The following FHIT variants were observed in gnomAD, a reference collection of about 807,000 sequenced individuals.
FHIT encodes the protein bis(5'-adenosyl)-triphosphatase.
Under a neutral mutation model 17.9 loss-of-function variants are expected in FHIT, and 19 were observed. That is an observed-to-expected ratio of 1.06 (90% CI 0.74 to 1.56). FHIT has a LOEUF of 1.56. FHIT is among the 40% of genes most tolerant of loss of function. The pLI is 0.00. For synonymous variants in FHIT, 81 were observed against 69.7 expected, an observed-to-expected ratio of 1.16 and a Z score of -0.81; for missense variants, 248 against 189.2, an observed-to-expected ratio of 1.31 and a Z score of -1.82.
intron 5 of FHIT, among the ~76,000 whole-genome samples, chr3:60,214,007 C>G (rs557537599): frequency 1.1e-4 from 16 of 152,206 alleles, no homozygotes; most frequent in African/African-American, 3.9e-4. Flanking sequence ...GTGTGTGGAA[C>G]ATAGGTGTCA....
At chr3:60,363,493 C>T (rs1056038260) in intron 5 of FHIT, among the ~76,000 whole-genome samples, 1 of 152,086 alleles carries the variant, frequency 6.6e-6, no homozygotes, top group Non-Finnish European at 1.5e-5. Flanking sequence ...CTCATTTATT[C>T]CCACAACTCT....
intron 5 of FHIT, among the ~76,000 whole-genome samples, chr3:60,509,996 C>A (rs745886947): frequency 6.6e-6 from 1 of 152,172 alleles, no homozygotes; most frequent in Non-Finnish European, 1.5e-5. Flanking sequence ...CAGCCTACAG[C>A]TTGGTGAGGT....
intron 4 of FHIT, among the ~76,000 whole-genome samples, chr3:60,792,317 AAAAT>A (rs1553728756): frequency 1.3e-5 from 2 of 152,064 alleles, no homozygotes; most frequent in African/African-American, 4.8e-5. Flanking sequence ...GGTGGGTGTA[AAAAT>A]AAATATCCAT....
At chr3:60,027,694 G>A (rs1248409830) in intron 5 of FHIT, among the ~76,000 whole-genome samples, 1 of 146,532 alleles carries the variant, frequency 6.8e-6, no homozygotes, top group African/African-American at 2.5e-5. Context: ...TCTTAACTCA[G>A]AATCTCTTCT....
intron 5 of FHIT, among the ~76,000 whole-genome samples, chr3:60,118,771 C>T (rs1377196785): frequency 0.011 from 17 of 1,528 alleles, no homozygotes; most frequent in African/African-American, 0.042. Context: ...GAGGTGGGGG[C>T]GGCGGGGGGG....
At chr3:60,114,348 A>G (rs1243516818) in intron 5 of FHIT, among the ~76,000 whole-genome samples, 2 of 151,512 alleles carry the variant, frequency 1.3e-5, no homozygotes, top group African/African-American at 4.8e-5. Context: ...AAGCAATAGC[A>G]TCATGTTTTC....
rs9848914 is a variant in FHIT at position 60,926,831 on chromosome 3, G to A, written c.-110-104820C>T. On this transcript the variant is annotated intron_variant, in intron 3 of 9. Transcript: ENST00000492590. ...AGCAAGACTAATAAAGAAGAAGAGA[G>A]AGAAGAATCAAATAGACGCAATAAA... Among the ~76,000 whole-genome samples, 503 of 152,210 alleles carry A rather than the reference G, an allele frequency of 3.3e-3. 5 individuals are homozygous for A. The highest frequency in any genetic ancestry group is 0.024 in the Middle Eastern group (7 of 294).
intron 5 of FHIT, among the ~76,000 whole-genome samples, chr3:60,082,105 T>C (rs1336865758): frequency 6.6e-6 from 1 of 151,432 alleles, no homozygotes; most frequent in Admixed American, 6.6e-5. Context: ...TAGCTCTTTT[T>C]CAATCCTTGA....
At chr3:60,248,179 C>G (rs1337914384) in intron 5 of FHIT, among the ~76,000 whole-genome samples, 1 of 152,090 alleles carries the variant, frequency 6.6e-6, no homozygotes, top group African/African-American at 2.4e-5. Context: ...AGTTCTTCCC[C>G]CTAAGAGTTC....
intron 4 of FHIT, among the ~76,000 whole-genome samples, chr3:60,627,071 G>A (rs1013777665): frequency 2.0e-5 from 3 of 151,920 alleles, no homozygotes; most frequent in Non-Finnish European, 4.4e-5. Flanking sequence ...AAAATATGTT[G>A]CTGGATCCAG....
chr3:60,620,749 T>G (rs2039100800), intron 4 of FHIT, among the ~76,000 whole-genome samples: 1 of 152,076 alleles, frequency 6.6e-6, no homozygotes, highest in African/African-American at 2.4e-5. Flanking sequence ...TCAACAGCTG[T>G]CAAAACCCAT....
intron 2 of FHIT, among the ~76,000 whole-genome samples, chr3:61,119,831 C>A (rs2036404841): frequency 6.6e-6 from 1 of 152,188 alleles, no homozygotes; most frequent in Admixed American, 6.5e-5. Flanking sequence ...TTCAGGCTTT[C>A]AGACTTTAAC....
intron 4 of FHIT, among the ~76,000 whole-genome samples, chr3:60,754,383 GT>G (rs781965919): frequency 2.0e-5 from 3 of 152,148 alleles, no homozygotes; most frequent in Non-Finnish European, 4.4e-5. Flanking sequence ...GTAGAGGCTG[GT>G]TTAGAAAAAT....
At chr3:60,495,087 C>T (rs1196411957) in intron 5 of FHIT, among the ~76,000 whole-genome samples, 1 of 152,162 alleles carries the variant, frequency 6.6e-6, no homozygotes, top group Non-Finnish European at 1.5e-5. Flanking sequence ...ACATTCCCAC[C>T]AACAGGGTAC....
Position 59,957,667 on chromosome 3 carries a change from T to C in FHIT, c.280-35253A>G, listed in dbSNP as rs143612457. Among the ~76,000 whole-genome samples, 7 of 152,346 alleles carry C rather than the reference T, an allele frequency of 4.6e-5. No individual in the cohort carries two copies. In the East Asian group the frequency reaches 5.8e-4, roughly 13 times the overall value. On this transcript the variant is annotated intron_variant, in intron 7 of 9. Coordinates refer to ENST00000492590, the MANE Select transcript of FHIT (RefSeq NM_002012.4). ...ATTGACCAAGTCACTGAGAAAAATA[T>C]GTCTCAGTGGCACTTACAGTGCTTT...
chr3:60,418,922 C>A (rs1488294319), intron 5 of FHIT, among the ~76,000 whole-genome samples: 1 of 152,240 alleles, frequency 6.6e-6, no homozygotes, highest in South Asian at 2.1e-4. Flanking sequence ...CCTGTATACA[C>A]AAGAAAGGAT....
chr3:61,044,413 T>C lies in FHIT; in HGVS notation c.-163-2314A>G, dbSNP rs533623186. ...TGAAGACCAAATGAATGAAATGAAG[T>C]GAGAAGAGAAGTTTAGAGAAAAAAG... On this transcript the variant is annotated intron_variant, in intron 2 of 9. Coordinates refer to ENST00000492590, the MANE Select transcript of FHIT (RefSeq NM_002012.4). Among the ~76,000 whole-genome samples, 12 of 151,950 alleles carry C rather than the reference T, an allele frequency of 7.9e-5. No individual in the cohort carries two copies. The South Asian group carries it at 2.5e-3, about 32-fold the overall frequency.
chr3:60,806,345 C>T (rs1005815358), intron 4 of FHIT, among the ~76,000 whole-genome samples: 1 of 152,288 alleles, frequency 6.6e-6, no homozygotes, highest in East Asian at 1.9e-4. Flanking sequence ...TAGGAGGAGG[C>T]TCACTTTGGT....
intron 5 of FHIT, among the ~76,000 whole-genome samples, chr3:60,130,916 T>TATAC (rs750256145): frequency 7.1e-6 from 1 of 140,406 alleles, no homozygotes; most frequent in Non-Finnish European, 1.6e-5. Flanking sequence ...CACATATATG[T>TATAC]ATACATACAT....
Sources: allele counts gnomAD v4.1 joint callset (sites outside exome capture counted in the v4.1 genomes callset), GRCh38; gene constraint gnomAD v4.1.1; transcripts MANE v1.5; gene names NCBI Gene and HGNC (gene_info 2026-07-23, HGNC 2026-07-21).